Variants in SEC24B observed in about 807,000 individuals in gnomAD.
SEC24B encodes the protein protein transport protein Sec24B.
A neutral mutation model predicts 142.8 loss-of-function variants in SEC24B; 45 were observed. That is an observed-to-expected ratio of 0.32 (90% confidence interval 0.25 to 0.40). The LOEUF is 0.40. SEC24B is among the 10% of genes least tolerant of loss of function. The pLI is 1.00. For synonymous variants in SEC24B, 574 were observed against 568.2 expected (o/e 1.01, Z -0.15); for missense variants, 1,409 against 1,526.8 (o/e 0.92, Z 1.29).
intron 5 of SEC24B, 46 bp downstream of exon 5, chr4:109,491,453 A>G (rs1390983559): frequency 7.1e-7 from 1 of 1,410,304 alleles, no homozygotes; most frequent in Non-Finnish European, 1.0e-6. Flanking sequence ...AAAGTTATTG[A>G]CCATCAGTTG....
At position 109,515,448 on chromosome 4, in the gene SEC24B, AACTTT is replaced by A. The variant is rs537186918; in HGVS notation, c.2014-1075_2014-1071del. ...AAGATTTAATATATTCTTTTATTTT[AACTTT>A]ACTTATTTATGTACTTAATTTTTAC... On this transcript the variant is annotated intron_variant, in intron 10 of 23. Transcript: ENST00000265175. 3.1e-3 allele frequency among the ~76,000 whole-genome samples: 476 copies of A among 152,108 alleles called. 2 individuals are homozygous for A. Among genetic ancestry groups the A allele is most frequent in the Non-Finnish European group, 5.1e-3 (348 of 67,984 alleles).
chr4:109,451,337 T>A (rs1187666283), intron 1 of SEC24B, among the ~76,000 whole-genome samples: 1 of 151,278 alleles, frequency 6.6e-6, no homozygotes, highest in African/African-American at 2.4e-5. Context: ...CTCAAGTAGC[T>A]GGTGTCATCT....
intron 3 of SEC24B, among the ~76,000 whole-genome samples, chr4:109,477,459 C>T (rs1473917872): frequency 6.6e-6 from 1 of 151,900 alleles, no homozygotes; most frequent in African/African-American, 2.4e-5. Flanking sequence ...GTAGCTAAGG[C>T]CACAGGCACA....
chr4:109,528,793 AAG>A (rs1219303653), intron 18 of SEC24B, among the ~76,000 whole-genome samples: 1 of 152,268 alleles, frequency 6.6e-6, no homozygotes, highest in Non-Finnish European at 1.5e-5. Context: ...GTCCTAGAGA[AAG>A]AGAGTTATTA....
At chr4:109,530,821 G>T (rs1248331502) in intron 19 of SEC24B, among the ~76,000 whole-genome samples, 1 of 150,746 alleles carries the variant, frequency 6.6e-6, no homozygotes. Context: ...GCCTGAACCT[G>T]GGAGGTGGAG....
At chr4:109,482,979 T>TACATATACACAC (rs1554001100) in intron 4 of SEC24B, among the ~76,000 whole-genome samples, 1 of 26,406 alleles carries the variant, frequency 3.8e-5, no homozygotes, top group Non-Finnish European at 7.5e-5. Context: ...TATATATATA[T>TACATATACACAC]ACACACACAC....
At chr4:109,480,319 G>A (rs1733608531) in intron 3 of SEC24B, among the ~76,000 whole-genome samples, 1 of 151,196 alleles carries the variant, frequency 6.6e-6, no homozygotes, top group African/African-American at 2.4e-5. Context: ...GTGTGATTTT[G>A]GTGAGGCAGG....
At chr4:109,482,593 C>T (rs966871421) in intron 4 of SEC24B, among the ~76,000 whole-genome samples, 3 of 151,964 alleles carry the variant, frequency 2.0e-5, no homozygotes, top group African/African-American at 7.2e-5. Flanking sequence ...TACACCTATA[C>T]ACATAAACTA....
intron 6 of SEC24B, among the ~76,000 whole-genome samples, chr4:109,495,599 G>T (rs780507911): frequency 6.6e-6 from 1 of 152,174 alleles, no homozygotes; most frequent in South Asian, 2.1e-4. Flanking sequence ...CCTAGGGCTC[G>T]CAGATCGGTT....
intron 3 of SEC24B, among the ~76,000 whole-genome samples, chr4:109,478,415 A>G (rs934378882): frequency 6.6e-6 from 1 of 152,134 alleles, no homozygotes; most frequent in Non-Finnish European, 1.5e-5. Context: ...ATACCCAAAA[A>G]CATGTTTTTA....
At chr4:109,519,893 T>C (rs1412638103) in intron 11 of SEC24B, among the ~76,000 whole-genome samples, 4 of 152,234 alleles carry the variant, frequency 2.6e-5, no homozygotes, top group Admixed American at 6.5e-5. Context: ...AATATGCTTC[T>C]GTGAGATGAG....
In SEC24B at chr4:109,441,641, A is replaced by C. The variant is rs569379262; in HGVS notation, c.133+7639A>C. Among the ~76,000 whole-genome samples, 5 of 152,296 alleles carry C rather than the reference A, an allele frequency of 3.3e-5. No individual in the cohort carries two copies. In the East Asian group the frequency reaches 7.7e-4, roughly 24 times the overall value. ...GAGATGGGGTTTCACCATGTTGCCC[A>C]GGCTCAAGTGATTCTCCTACCTTGG... On this transcript the variant is annotated intron_variant, in intron 1 of 23. Transcript: ENST00000265175.
chr4:109,528,774 T>A (rs2126089174), intron 18 of SEC24B, among the ~76,000 whole-genome samples: 1 of 152,354 alleles, frequency 6.6e-6, no homozygotes, highest in South Asian at 2.1e-4. Context: ...CCTTGCTATT[T>A]CCCATGTAGT....
chr4:109,491,639 A>C (rs959023436), intron 5 of SEC24B, among the ~76,000 whole-genome samples: 1 of 152,098 alleles, frequency 6.6e-6, no homozygotes, highest in Non-Finnish European at 1.5e-5. Context: ...TCTTTTTCTA[A>C]AAGATTTTCA....
At chr4:109,496,302 G>A (rs1417450567) in intron 6 of SEC24B, among the ~76,000 whole-genome samples, 1 of 151,922 alleles carries the variant, frequency 6.6e-6, no homozygotes, top group Non-Finnish European at 1.5e-5. Flanking sequence ...TAGTAGAGAT[G>A]GGGTGTCACC....
At chr4:109,505,701 A>G (rs967747812) in intron 6 of SEC24B, among the ~76,000 whole-genome samples, 87 of 152,270 alleles carry the variant, frequency 5.7e-4, no homozygotes, top group African/African-American at 1.9e-3. Context: ...TTTTTAGACA[A>G]ACAATTCTAG....
chr4:109,516,405 TAG>T, intron 10 of SEC24B, 121 bp from the exon 11 acceptor site: 1 of 612,088 alleles, frequency 1.6e-6, no homozygotes, highest in Non-Finnish European at 2.8e-6. Context: ...TATTACAAAA[TAG>T]CAATCCTATT....
intron 1 of SEC24B, among the ~76,000 whole-genome samples, chr4:109,452,224 A>G (rs903122137): frequency 6.6e-6 from 1 of 152,160 alleles, no homozygotes; most frequent in Non-Finnish European, 1.5e-5. Flanking sequence ...GCTTAGCTAC[A>G]TTCATCCATG....
chr4:109,446,235 C>A (rs534940852), intron 1 of SEC24B, among the ~76,000 whole-genome samples: 1 of 152,092 alleles, frequency 6.6e-6, no homozygotes, highest in Non-Finnish European at 1.5e-5. Flanking sequence ...CACAGCAGTT[C>A]TTATTAGAGA....
Sources: allele counts gnomAD v4.1 joint callset (sites outside exome capture counted in the v4.1 genomes callset), GRCh38; gene constraint gnomAD v4.1.1; transcripts MANE v1.5; gene names NCBI Gene and HGNC (gene_info 2026-07-23, HGNC 2026-07-21).